THRB: variants seen among roughly 807,000 people sequenced by gnomAD.
The protein encoded by THRB is nuclear receptor subfamily 1 group A member 2.
In THRB, 12 loss-of-function variants were observed where a neutral mutation model predicts 47.8. The observed-to-expected ratio is 0.25, with a 90% CI of 0.16 to 0.41. The LOEUF (loss-of-function observed/expected upper bound fraction) is 0.41. THRB is among the 10% of genes least tolerant of loss of function. THRB has a pLI of 1.00. For synonymous variants in THRB, 218 were observed against 212.2 expected, an observed-to-expected ratio of 1.03 and a Z score of -0.24; for missense variants, 348 against 589.2, an observed-to-expected ratio of 0.59 and a Z score of 4.24.
intron 1 of THRB, among the ~76,000 whole-genome samples, chr3:24,409,477 C>T (rs1296670742): frequency 6.6e-6 from 1 of 151,794 alleles, no homozygotes; most frequent in East Asian, 2.0e-4. Flanking sequence ...CACATTCTGG[C>T]TCTGTCATGT....
At chr3:24,383,769 G>T (rs879332312) in intron 1 of THRB, among the ~76,000 whole-genome samples, 3 of 152,132 alleles carry the variant, frequency 2.0e-5, no homozygotes, top group Non-Finnish European at 2.9e-5. Context: ...CATTAAAGGT[G>T]TTAGAAAATT....
chr3:24,160,268 A>G (rs1037834073), intron 5 of THRB, among the ~76,000 whole-genome samples: 1 of 152,190 alleles, frequency 6.6e-6, no homozygotes, highest in Non-Finnish European at 1.5e-5. Flanking sequence ...GCCAGAATCA[A>G]AATTGAACTC....
chr3:24,471,278 AC>A, intron 1 of THRB, among the ~76,000 whole-genome samples: 1 of 152,072 alleles, frequency 6.6e-6, no homozygotes, highest in East Asian at 1.9e-4. Context: ...TGAATCAGAA[AC>A]TCTGGGGATG....
chr3:24,467,329 T>G (rs904007460), intron 1 of THRB, among the ~76,000 whole-genome samples: 13 of 152,232 alleles, frequency 8.5e-5, no homozygotes, highest in African/African-American at 3.1e-4. Context: ...AGGGTCAGAA[T>G]CAACTTCTTC....
intron 1 of THRB, among the ~76,000 whole-genome samples, chr3:24,397,650 G>A (rs1052914279): frequency 6.6e-6 from 1 of 150,644 alleles, no homozygotes; most frequent in African/African-American, 2.4e-5. Context: ...GCCCAGGCTG[G>A]AGTGCAGTGG....
At position 24,377,904 on chromosome 3, in the gene THRB, A is replaced by G. The variant is rs41376549; in HGVS notation, c.-260-40533T>C. 7.5e-3 allele frequency among the ~76,000 whole-genome samples: 1,149 copies of G among 152,282 alleles called. 16 individuals carry two copies. Among genetic ancestry groups the G allele is most frequent in the African/African-American group, 0.026 (1,093 of 41,562 alleles). ...ATAACAGGTTTAATGGTAATTTACA[A>G]AAGTGACTTATTCAAGGCAACAAAG... On this transcript the variant is annotated intron_variant, in intron 1 of 10. Transcript: ENST00000646209.
intron 9 of THRB, among the ~76,000 whole-genome samples, chr3:24,131,818 A>T (rs556452328): frequency 6.6e-6 from 1 of 152,306 alleles, no homozygotes; most frequent in African/African-American, 2.4e-5. Flanking sequence ...GAACTGTAAG[A>T]CATAAACTTC....
intron 4 of THRB, among the ~76,000 whole-genome samples, chr3:24,202,595 C>A (rs73037679): frequency 0.086 from 13,123 of 152,202 alleles, 696 homozygotes; most frequent in Non-Finnish European, 0.12. Context: ...TAGCTGCCAT[C>A]TAGAAGGTTA....
chr3:24,334,225 G>T (rs192164532), intron 2 of THRB, among the ~76,000 whole-genome samples: 1 of 151,972 alleles, frequency 6.6e-6, no homozygotes, highest in African/African-American at 2.4e-5. Context: ...GTTCTTGCCC[G>T]TTGAAAGCAA....
chr3:24,453,231 C>T (rs1201076947), intron 1 of THRB, among the ~76,000 whole-genome samples: 1 of 152,204 alleles, frequency 6.6e-6, no homozygotes, highest in Non-Finnish European at 1.5e-5. Context: ...TCACTATGTG[C>T]CAGGTACTCT....
chr3:24,462,835 T>A (rs549367960), intron 1 of THRB, among the ~76,000 whole-genome samples: 62 of 152,132 alleles, frequency 4.1e-4, no homozygotes, highest in Admixed American at 1.2e-3. Flanking sequence ...CTGGGAAAAA[T>A]ACCCAGTTTC....
At chr3:24,346,251 T>C (rs543563619) in intron 1 of THRB, among the ~76,000 whole-genome samples, 14 of 152,196 alleles carry the variant, frequency 9.2e-5, no homozygotes, top group Non-Finnish European at 2.1e-4. Context: ...TGGAAAGTAG[T>C]CAAAGTCACA....
chr3:24,138,336 A>G (rs1246930584), intron 8 of THRB, among the ~76,000 whole-genome samples: 2 of 152,022 alleles, frequency 1.3e-5, no homozygotes, highest in Non-Finnish European at 2.9e-5. Context: ...TCCTTGGGCC[A>G]TGGGATATGA....
chr3:24,152,820 G>T (rs1160431027), intron 5 of THRB, among the ~76,000 whole-genome samples: 1 of 151,796 alleles, frequency 6.6e-6, no homozygotes, highest in Non-Finnish European at 1.5e-5. Context: ...TAATTAGCCG[G>T]GCATGGTGAC....
chr3:24,398,788 T>C lies in THRB; in HGVS notation c.-260-61417A>G, dbSNP rs1317023750. On this transcript the variant is annotated intron_variant, in intron 1 of 10. Coordinates refer to ENST00000646209, the MANE Select transcript of THRB (RefSeq NM_001354712.2). ...AAAGACACATGCACACGTAAGTTTA[T>C]TGCGGCACTATTCACAATAGCAAAG... Among the ~76,000 whole-genome samples the C allele has an allele frequency of 3.9e-5, 6 of 152,260 alleles. No individual in the cohort carries two copies. In the East Asian group the frequency reaches 5.8e-4, roughly 15 times the overall value.
intron 1 of THRB, among the ~76,000 whole-genome samples, chr3:24,464,259 A>G (rs540350994): frequency 6.6e-6 from 1 of 152,188 alleles, no homozygotes; most frequent in East Asian, 1.9e-4. Flanking sequence ...AAAAAAGAAA[A>G]AAAAAAAAGA....
chr3:24,350,011 GAACTC>G (rs2063269533), intron 1 of THRB, among the ~76,000 whole-genome samples: 1 of 151,892 alleles, frequency 6.6e-6, no homozygotes, highest in Admixed American at 6.6e-5. Context: ...AATATATATT[GAACTC>G]CAATAAATCA....
intron 3 of THRB, among the ~76,000 whole-genome samples, chr3:24,236,569 T>C (rs2048897574): frequency 6.6e-6 from 1 of 152,142 alleles, no homozygotes; most frequent in African/African-American, 2.4e-5. Context: ...CCTGAGGTCA[T>C]TTAAAGACTC....
chr3:24,271,995 C>T (rs541910425), intron 3 of THRB, among the ~76,000 whole-genome samples: 4 of 152,232 alleles, frequency 2.6e-5, no homozygotes, highest in South Asian at 2.1e-4. Context: ...AGTGGCTACT[C>T]ATTAATAATT....
Sources: gnomAD v4.1 joint callset for allele counts (sites outside exome capture counted in the v4.1 genomes callset) on GRCh38, gnomAD v4.1.1 for gene constraint, MANE v1.5 for transcripts, NCBI Gene and HGNC (gene_info 2026-07-23, HGNC 2026-07-21) for gene names.